Variants in WNK1 observed in about 807,000 individuals in gnomAD.
The protein encoded by WNK1 is serine/threonine-protein kinase WNK1.
Under a neutral mutation model 222.8 loss-of-function variants are expected in WNK1, and 38 were observed. That is an observed-to-expected ratio of 0.17 (90% confidence interval 0.13 to 0.22). The LOEUF is 0.22. Ranked by LOEUF, WNK1 falls within the 10% of genes least tolerant of loss-of-function variation. The pLI is 1.00. For synonymous variants in WNK1, 1,090 were observed against 1,092.9 expected (o/e 1.00, Z 0.05); for missense variants, 2,348 against 2,918.4 (o/e 0.80, Z 4.50).
At chr12:862,027 A>C (rs1274265042) in intron 7 of WNK1, 56 bp from the exon 8 acceptor site, 1 of 1,606,160 alleles carries the variant, frequency 6.2e-7, no homozygotes, top group African/African-American at 1.3e-5. Flanking sequence ...GTGAACCTCC[A>C]TTTTGTGATT....
At chr12:771,291 C>T (rs1233472808) in intron 1 of WNK1, among the ~76,000 whole-genome samples, 2 of 151,964 alleles carry the variant, frequency 1.3e-5, no homozygotes, top group East Asian at 3.9e-4. Flanking sequence ...GCTACTATGC[C>T]CGGCGCTTTA....
intron 1 of WNK1, among the ~76,000 whole-genome samples, chr12:780,255 ATTTTGGATATACTTCAAG>A (rs1157153103): frequency 6.6e-6 from 1 of 152,232 alleles, no homozygotes; most frequent in Non-Finnish European, 1.5e-5. Context: ...GGAATGGAGT[ATTTTGGATATACTTCAAG>A]TTTTGAATGA....
At chr12:883,151 G>GT (rs1391672334) in intron 15 of WNK1, 92 bp downstream of exon 15, 52 of 1,087,856 alleles carry the variant, frequency 4.8e-5, no homozygotes, top group Non-Finnish European at 7.1e-5. Context: ...TATAATCCAT[G>GT]TTTTTTTAAA....
At chr12:908,424 T>G (rs377008723) in intron 27 of WNK1, 51 bp from the exon 28 acceptor site, 3 of 1,585,414 alleles carry the variant, frequency 1.9e-6, no homozygotes, top group Non-Finnish European at 2.6e-6. Flanking sequence ...GCGCCACACA[T>G]TTTATACCAT....
At chr12:808,663 C>T (rs1345775715) in intron 1 of WNK1, among the ~76,000 whole-genome samples, 1 of 151,932 alleles carries the variant, frequency 6.6e-6, no homozygotes, top group Non-Finnish European at 1.5e-5. Context: ...CCAACTTTTA[C>T]ATACTCTTGG....
chr12:808,694 G>A (rs935666817), intron 1 of WNK1, among the ~76,000 whole-genome samples: 2 of 151,506 alleles, frequency 1.3e-5, no homozygotes, highest in Non-Finnish European at 2.9e-5. Context: ...GGGATTAAGT[G>A]AAGGGTGCCT....
intron 4 of WNK1, among the ~76,000 whole-genome samples, chr12:834,564 A>G (rs1426566811): frequency 1.3e-5 from 2 of 152,202 alleles, no homozygotes; most frequent in East Asian, 3.8e-4. Context: ...AAGGGAAGCA[A>G]GATGGGTTTT....
At chr12:792,249 C>T (rs1235101025) in intron 1 of WNK1, among the ~76,000 whole-genome samples, 1 of 150,088 alleles carries the variant, frequency 6.7e-6, no homozygotes, top group East Asian at 1.9e-4. Context: ...CACAGAACTA[C>T]AGTAGTATAT....
intron 8 of WNK1, among the ~76,000 whole-genome samples, chr12:863,894 C>G (rs1169657149): frequency 6.6e-6 from 1 of 151,882 alleles, no homozygotes; most frequent in Non-Finnish European, 1.5e-5. Context: ...AGGAATGAAA[C>G]TAAACAATCA....
At chr12:889,397 G>A (rs1247082338) in intron 21 of WNK1, among the ~76,000 whole-genome samples, 174 bp downstream of exon 21, 1 of 152,194 alleles carries the variant, frequency 6.6e-6, no homozygotes, top group Non-Finnish European at 1.5e-5. Context: ...TGACTCAGGA[G>A]TATCACTATG....
At chr12:874,331 C>T (rs527921462) in intron 9 of WNK1, among the ~76,000 whole-genome samples, 3 of 152,080 alleles carry the variant, frequency 2.0e-5, no homozygotes, top group Admixed American at 1.3e-4. Flanking sequence ...AGCAGATCAT[C>T]ATGTACTTCT....
chr12:832,237 G>T (rs576861442), intron 4 of WNK1, among the ~76,000 whole-genome samples: 4 of 151,894 alleles, frequency 2.6e-5, no homozygotes, highest in Non-Finnish European at 5.9e-5. Context: ...CACCACACCT[G>T]GCTAATTTTT....
At chr12:792,832 T>A (rs893211761) in intron 1 of WNK1, among the ~76,000 whole-genome samples, 3 of 152,196 alleles carry the variant, frequency 2.0e-5, no homozygotes, top group Non-Finnish European at 4.4e-5. Flanking sequence ...AAAAAAAATA[T>A]ATATAAACAT....
At chr12:809,642 C>G (rs953766903) in intron 1 of WNK1, among the ~76,000 whole-genome samples, 4 of 152,132 alleles carry the variant, frequency 2.6e-5, no homozygotes, top group African/African-American at 9.7e-5. Context: ...TTTTTCCAAC[C>G]TTTCCCAGGC....
chr12:796,174 A>G (rs865833160), intron 1 of WNK1, among the ~76,000 whole-genome samples: 14 of 151,962 alleles, frequency 9.2e-5, no homozygotes, highest in Admixed American at 3.3e-4. Context: ...ACTCCTGACC[A>G]TGTATCTTAT....
At chr12:796,779 T>C (rs1945349259) in intron 1 of WNK1, among the ~76,000 whole-genome samples, 1 of 152,218 alleles carries the variant, frequency 6.6e-6, no homozygotes, top group Non-Finnish European at 1.5e-5. Context: ...CACCTTGTCA[T>C]CTTGATTCTC....
At position 862,144 on chromosome 12, in the gene WNK1, C is replaced by T. The variant is rs1259277172; in HGVS notation, c.2013C>T (p.Ser671=). The T allele has an allele frequency of 6.2e-7, 1 of 1,614,026 alleles. No individual in the cohort carries two copies. The stretch of plus-strand genomic sequence containing the variant: ...TCTTCACAGAATCTCGAGTGAGCAG[C>T]CAACAGACAGTTTCATATGGTTCCC... ...SSVFTESRVS[S]QQTVSYGSQH... Residue 671 remains serine (S), a synonymous_variant, in exon 8 of 28, where the codon AGC becomes AGT. Coordinates refer to ENST00000315939, the MANE Select transcript of WNK1 (RefSeq NM_018979.4).
chr12:753,775 G>A lies in WNK1; in HGVS notation c.210G>A (p.Ala70=), dbSNP rs145076179. ...TMDKDSRGAA[A]TTTTTEHRFF... is the part of the protein sequence containing the mutation. ...ACAAGGACAGCCGTGGGGCGGCCGC[G>A]ACCACTACCACCACTGAGCACCGCT... The change falls in exon 1 of 28, where the codon GCG becomes GCA. Residue 70 remains alanine (A), a synonymous_variant. Coordinates refer to ENST00000315939, the MANE Select transcript of WNK1 (RefSeq NM_018979.4). This position sits in a 1 kb window ranked among gnomAD's most constrained non-coding sequence, Gnocchi z 5.2. 318 of 1,612,290 alleles carry A rather than the reference G, an allele frequency of 2.0e-4. 2 individuals carry two copies. The highest frequency in any genetic ancestry group is 2.4e-4 in the Non-Finnish European group (285 of 1,179,944).
chr12:845,934 A>G lies in WNK1; in HGVS notation c.1312-11227A>G, dbSNP rs1009656979. Among the ~76,000 whole-genome samples, 4 of 152,310 alleles carry G rather than the reference A, an allele frequency of 2.6e-5. No individual in the cohort carries two copies. The South Asian group carries it at 6.2e-4, about 24-fold the overall frequency. Reference sequence around the variant, plus strand: ...TACATATACTGTTTTAATCTTTTATATCATGATAAGTAGATAATGTCTTCA... The same window carrying G: ...TACATATACTGTTTTAATCTTTTATGTCATGATAAGTAGATAATGTCTTCA... On this transcript the variant is annotated intron_variant, in intron 4 of 27. Coordinates refer to ENST00000315939, the MANE Select transcript of WNK1 (RefSeq NM_018979.4).
Sources: allele counts gnomAD v4.1 joint callset (sites outside exome capture counted in the v4.1 genomes callset), GRCh38; gene constraint gnomAD v4.1.1; non-coding constraint Gnocchi (gnomAD v3.1); transcripts MANE v1.5; gene names NCBI Gene and HGNC (gene_info 2026-07-23, HGNC 2026-07-21).